Variants in CNTN5 observed in about 807,000 individuals in gnomAD.
CNTN5 encodes contactin-5.
CNTN5 carries 77 observed loss-of-function variants against 129.1 expected under a neutral mutation model. That is an observed-to-expected ratio of 0.60 (90% confidence interval 0.50 to 0.72). The LOEUF (loss-of-function observed/expected upper bound fraction) is 0.72. CNTN5 is among the 30% of genes least tolerant of loss of function. CNTN5 has a pLI of 0.00. For synonymous variants in CNTN5, 509 were observed against 465.6 expected (o/e 1.09, Z -1.20); for missense variants, 1,478 against 1,328.8 (o/e 1.11, Z -1.75).
intron 3 of CNTN5, among the ~76,000 whole-genome samples, chr11:99,657,399 G>T (rs2017318670): frequency 6.6e-6 from 1 of 152,052 alleles, no homozygotes; most frequent in African/African-American, 2.4e-5. Context: ...CTAAGGACCG[G>T]AAGTACACAT....
At chr11:100,088,930 C>T (rs1238160456) in intron 13 of CNTN5, among the ~76,000 whole-genome samples, 2 of 151,808 alleles carry the variant, frequency 1.3e-5, no homozygotes, top group African/African-American at 4.8e-5. Context: ...AAAGATACAA[C>T]AAAAAAGAAA....
chr11:100,150,407 T>A (rs970018830), intron 13 of CNTN5, among the ~76,000 whole-genome samples: 1 of 99,892 alleles, frequency 1.0e-5, no homozygotes, highest in Non-Finnish European at 2.3e-5. Flanking sequence ...GATTTCAAAT[T>A]TTTTTCTTTA....
chr11:100,048,222 T>G, intron 9 of CNTN5, among the ~76,000 whole-genome samples: 1 of 152,250 alleles, frequency 6.6e-6, no homozygotes, highest in Middle Eastern at 3.4e-3. Flanking sequence ...AACTAAAGTT[T>G]CTTGGGCCTT....
At chr11:99,437,243 C>G (rs2726409) in intron 2 of CNTN5, among the ~76,000 whole-genome samples, 149,678 of 152,316 alleles carry the variant, frequency 0.98, 73,599 homozygotes, top group East Asian at 1. Flanking sequence ...ATAAAAATAC[C>G]TGATGTTATG....
At chr11:99,405,016 T>C (rs1160579990) in intron 2 of CNTN5, among the ~76,000 whole-genome samples, 1 of 152,176 alleles carries the variant, frequency 6.6e-6, no homozygotes, top group East Asian at 1.9e-4. Flanking sequence ...ACTTTTTTTT[T>C]CCTTTAGAAC....
At chr11:99,472,585 G>A (rs907208124) in intron 2 of CNTN5, among the ~76,000 whole-genome samples, 1 of 152,182 alleles carries the variant, frequency 6.6e-6, no homozygotes, top group Non-Finnish European at 1.5e-5. Flanking sequence ...CAGTGATCAA[G>A]TTTACATTGA....
At chr11:100,077,413 G>A (rs1383343029) in intron 13 of CNTN5, among the ~76,000 whole-genome samples, 1 of 152,084 alleles carries the variant, frequency 6.6e-6, no homozygotes, top group African/African-American at 2.4e-5. Flanking sequence ...TAAAAATTTT[G>A]TTGTTTTGGG....
chr11:99,262,238 C>G (rs776746208), intron 1 of CNTN5, among the ~76,000 whole-genome samples: 3 of 151,940 alleles, frequency 2.0e-5, no homozygotes, highest in Admixed American at 6.6e-5. Context: ...CCTATTTTCC[C>G]TTTTTAAAAA....
intron 1 of CNTN5, among the ~76,000 whole-genome samples, chr11:99,254,160 T>G (rs919284289): frequency 6.6e-6 from 1 of 151,828 alleles, no homozygotes; most frequent in African/African-American, 2.4e-5. Flanking sequence ...GAAAGAATTA[T>G]GGTGGACTGG....
chr11:99,358,733 A>G (rs1206812959), intron 2 of CNTN5, among the ~76,000 whole-genome samples: 3 of 152,162 alleles, frequency 2.0e-5, no homozygotes, highest in Admixed American at 6.5e-5. Context: ...TATTTTTACC[A>G]AGTGCTAGAT....
At chr11:99,422,981 A>T (rs1055739785) in intron 2 of CNTN5, among the ~76,000 whole-genome samples, 1 of 152,254 alleles carries the variant, frequency 6.6e-6, no homozygotes, top group African/African-American at 2.4e-5. Flanking sequence ...GGAAGAAAAC[A>T]TTTTCGTTAT....
intron 1 of CNTN5, among the ~76,000 whole-genome samples, chr11:99,248,600 A>G (rs1861939676): frequency 6.6e-6 from 1 of 152,134 alleles, no homozygotes; most frequent in Admixed American, 6.6e-5. Flanking sequence ...TTTTAGGTCT[A>G]ACATTTAAGT....
intron 1 of CNTN5, among the ~76,000 whole-genome samples, chr11:99,292,805 T>TGG (rs983142684): frequency 6.6e-6 from 1 of 152,078 alleles, no homozygotes; most frequent in Non-Finnish European, 1.5e-5. Flanking sequence ...GGCCAAGCCT[T>TGG]GGGAGGTAGA....
At chr11:100,304,358 T>C (rs1951297787) in intron 20 of CNTN5, among the ~76,000 whole-genome samples, 1 of 151,530 alleles carries the variant, frequency 6.6e-6, no homozygotes, top group South Asian at 2.1e-4. Flanking sequence ...ATTACCCCAG[T>C]GTAATAGATG....
In CNTN5 at chr11:99,788,779, T is replaced by G. The variant is rs117409888; in HGVS notation, c.56-30765T>G. On this transcript the variant is annotated intron_variant, in intron 3 of 24. Transcript: ENST00000524871. ...TTAAATTTCTCCTCACTAGAGATAG[T>G]AAAAAACTTAGTTGTATCGTGTGTA... Among the ~76,000 whole-genome samples the G allele has an allele frequency of 4.5e-4, 69 of 152,028 alleles. 1 individual carries two copies. The highest frequency in any genetic ancestry group is 6.0e-4 in the Non-Finnish European group (41 of 67,828).
intron 9 of CNTN5, among the ~76,000 whole-genome samples, chr11:100,010,466 T>A (rs1390969677): frequency 6.6e-6 from 1 of 152,110 alleles, no homozygotes; most frequent in Non-Finnish European, 1.5e-5. Flanking sequence ...ATTTTATTGC[T>A]GCTAAGGGAA....
intron 2 of CNTN5, among the ~76,000 whole-genome samples, chr11:99,408,448 G>GAAAGAAAGAAAAAGAAAGAA (rs71305322): frequency 1.3e-5 from 1 of 78,088 alleles, no homozygotes; most frequent in Admixed American, 1.5e-4. Flanking sequence ...AAGAAAGAAA[G>GAAAGAAAGAAAAAGAAAGAA]AGAAAGAAAG....
rs1236367824 is a variant in CNTN5, at chr11:99,726,678, G to T, written c.56-92866G>T. Among the ~76,000 whole-genome samples the T allele has an allele frequency of 2.0e-5, 3 of 152,144 alleles. 1 individual carries two copies. Among genetic ancestry groups the T allele is most frequent in the Admixed American group, 2.0e-4 (3 of 15,276 alleles). On this transcript the variant is annotated intron_variant, in intron 3 of 24. Coordinates refer to ENST00000524871, the MANE Select transcript of CNTN5 (RefSeq NM_014361.4). ...CATATGACAATTCTACAATACAGCA[G>T]ATTAAGTTAATTTTTCAAGATGATA...
chr11:100,283,562 G>C (rs1950689884), intron 18 of CNTN5, among the ~76,000 whole-genome samples: 1 of 152,190 alleles, frequency 6.6e-6, no homozygotes, highest in African/African-American at 2.4e-5. Context: ...TAGGGCCCCA[G>C]AGCACTTGAG....
Sources: allele counts gnomAD v4.1 joint callset (sites outside exome capture counted in the v4.1 genomes callset), GRCh38; gene constraint gnomAD v4.1.1; transcripts MANE v1.5; gene names NCBI Gene and HGNC (gene_info 2026-07-23, HGNC 2026-07-21).